The following OTUD3 variants were observed in gnomAD, a reference collection of about 807,000 sequenced individuals.
OTUD3 encodes the protein OTU deubiquitinase 3.
In OTUD3, 24 loss-of-function variants were observed where a neutral mutation model predicts 46.2. The observed-to-expected ratio is 0.52, with a 90% CI of 0.38 to 0.73. The LOEUF is 0.73. OTUD3 is among the 30% of genes least tolerant of loss of function. The pLI is 0.00. For missense variants in OTUD3, 455 were observed against 523.3 expected, an observed-to-expected ratio of 0.87 and a Z score of 1.27; for synonymous variants, 189 against 195.4, an observed-to-expected ratio of 0.97 and a Z score of 0.27.
chr1:19,911,191 C>T lies in OTUD3; in HGVS notation c.*3445C>T, dbSNP rs946239859. ...CGTTTTGGGTAGATGCGTAGCTCTTCACTTTCTTACCTCAAGGCTCTGTCT... is the reference window on the plus strand; with the variant it reads ...CGTTTTGGGTAGATGCGTAGCTCTTTACTTTCTTACCTCAAGGCTCTGTCT... On this transcript the variant is annotated 3_prime_UTR_variant, in exon 8 of 8. Coordinates refer to ENST00000375120, the MANE Select transcript of OTUD3 (RefSeq NM_015207.2). 1 of 152,222 alleles carries T rather than the reference C, an allele frequency of 6.6e-6. No homozygotes were observed. The allele number at this position is 152,222 out of a possible 1,614,324, so 9.4% of individuals were successfully genotyped here.
rs144990773 is a variant in OTUD3, at chr1:19,893,647, C to A, written c.371-721C>A. Among the ~76,000 whole-genome samples the A allele has an allele frequency of 2.6e-5, 4 of 152,172 alleles. No individual in the cohort carries two copies. The South Asian group carries it at 8.3e-4, about 32-fold the overall frequency. ...TGATGCCAGATGTGGTGGAGAGGCCCGTCATGAATAACAGACACTCTCATC... is the reference window on the plus strand; with the variant it reads ...TGATGCCAGATGTGGTGGAGAGGCCAGTCATGAATAACAGACACTCTCATC... On this transcript the variant is annotated intron_variant, in intron 2 of 7. Coordinates refer to ENST00000375120, the MANE Select transcript of OTUD3 (RefSeq NM_015207.2).
In OTUD3 at chr1:19,907,903, TTTTGTTCGAAG is replaced by T. The variant is rs1323332870; in HGVS notation, c.*161_*171del. 2 of 583,258 alleles carry T rather than the reference TTTTGTTCGAAG, an allele frequency of 3.4e-6. No individual in the cohort carries two copies. Among genetic ancestry groups the T allele is most frequent in the African/African-American group, 3.7e-5 (2 of 53,520 alleles). The allele number at this position is 583,258 out of a possible 1,614,324, so 36.1% of individuals were successfully genotyped here. A position where few individuals can be genotyped will look rare whatever the true frequency, so the allele number is the denominator to read the frequency against. ...TTAGTTTCGTTCAAGCTGCCTCTTT[TTTTGTTCGAAG>T]TTTTATTAGTGATATGTTGGTGTTT... is the stretch of plus-strand genomic sequence containing the variant. On this transcript the variant is annotated 3_prime_UTR_variant, in exon 8 of 8. Transcript: ENST00000375120.
chr1:19,893,206 A>G (rs1428896691), intron 2 of OTUD3, among the ~76,000 whole-genome samples: 1 of 152,230 alleles, frequency 6.6e-6, no homozygotes, highest in African/African-American at 2.4e-5. Flanking sequence ...TCGAGAACAC[A>G]GTCCTTGCAT....
Position 19,911,906 on chromosome 1 carries a change from C to A in OTUD3, c.*4160C>A, listed in dbSNP as rs1421832920. ...GTGCCTTGTGGTTGGCCTGGAAGTTCTCTCCCAAGGTGAAATTCCTTTAAA... is the reference window on the plus strand; with the variant it reads ...GTGCCTTGTGGTTGGCCTGGAAGTTATCTCCCAAGGTGAAATTCCTTTAAA... On this transcript the variant is annotated 3_prime_UTR_variant, in exon 8 of 8. Coordinates refer to ENST00000375120, the MANE Select transcript of OTUD3 (RefSeq NM_015207.2). 1 of 152,430 alleles carries A rather than the reference C, an allele frequency of 6.6e-6. No homozygotes were observed. The highest frequency in any genetic ancestry group is 3.4e-3 in the Middle Eastern group (1 of 294). 9.4% of individuals were successfully genotyped at this position (152,430 alleles called of 1,614,324 possible). A position where few individuals can be genotyped will look rare whatever the true frequency, so the allele number is the denominator to read the frequency against.
chr1:19,904,687 T>A (rs969262567), intron 5 of OTUD3, among the ~76,000 whole-genome samples: 24 of 152,254 alleles, frequency 1.6e-4, no homozygotes, highest in African/African-American at 4.6e-4. Context: ...TAGAGGGAAT[T>A]CATTTATAAG....
At position 19,882,491 on chromosome 1, in the gene OTUD3, G is replaced by A; in HGVS notation, c.-23G>A. On this transcript the variant is annotated 5_prime_UTR_variant, in exon 1 of 8. Transcript: ENST00000375120. ...GGGTCCTGCGCCTTTCCCTCCTGCCGCTGGGGACTGCAGGCTAAGGCCATG... is the reference window on the plus strand; with the variant it reads ...GGGTCCTGCGCCTTTCCCTCCTGCCACTGGGGACTGCAGGCTAAGGCCATG... 1.5e-6 allele frequency: 2 copies of A among 1,350,024 alleles called. No individual in the cohort carries two copies. The highest frequency in any genetic ancestry group is 3.1e-5 in the East Asian group (1 of 32,554). 83.6% of individuals were successfully genotyped at this position (1,350,024 alleles called of 1,614,324 possible).
chr1:19,896,824 C>T (rs999513718), intron 3 of OTUD3, among the ~76,000 whole-genome samples: 5 of 152,146 alleles, frequency 3.3e-5, no homozygotes, highest in African/African-American at 1.2e-4. Flanking sequence ...CTCTAGGGAG[C>T]CCCATTCTTG....
In OTUD3 at chr1:19,894,365, C is replaced by T; in HGVS notation, c.371-3C>T. Reference sequence around the variant, plus strand: ...GTCATTTTTCTTTCCTATTTCCATGCAGTGGCCAGTTTGGCAAAGCCTGGT... The same window carrying T: ...GTCATTTTTCTTTCCTATTTCCATGTAGTGGCCAGTTTGGCAAAGCCTGGT... On this transcript the variant is annotated splice_polypyrimidine_tract_variant and splice_region_variant and intron_variant, in intron 2 of 7. Transcript: ENST00000375120. 2 of 1,565,222 alleles carry T rather than the reference C, an allele frequency of 1.3e-6. No individual in the cohort carries two copies. The highest frequency in any genetic ancestry group is 1.7e-6 in the Non-Finnish European group (2 of 1,144,730).
chr1:19,885,264 G>C (rs1457408389), intron 1 of OTUD3, among the ~76,000 whole-genome samples: 2 of 152,144 alleles, frequency 1.3e-5, no homozygotes, highest in Non-Finnish European at 1.5e-5. Context: ...TAAAATGATC[G>C]TATTTCCTCT....
intron 2 of OTUD3, among the ~76,000 whole-genome samples, chr1:19,892,759 GTC>G (rs1473264951): frequency 1.3e-5 from 2 of 152,094 alleles, no homozygotes; most frequent in Non-Finnish European, 2.9e-5. Flanking sequence ...CGGTATCATT[GTC>G]TCTTGATTTC....
chr1:19,888,352 A>C (rs1041334888), intron 1 of OTUD3, among the ~76,000 whole-genome samples: 2 of 152,176 alleles, frequency 1.3e-5, no homozygotes, highest in African/African-American at 2.4e-5. Flanking sequence ...CTTTGTTCTC[A>C]TGAGTTTCTT....
In OTUD3 at chr1:19,912,392, G is replaced by T. The variant is rs894497531; in HGVS notation, c.*4646G>T. 1 of 152,666 alleles carries T rather than the reference G, an allele frequency of 6.6e-6. No homozygotes were observed. Among genetic ancestry groups the T allele is most frequent in the Non-Finnish European group, 1.5e-5 (1 of 68,124 alleles). The allele number at this position is 152,666 out of a possible 1,614,324, so 9.5% of individuals were successfully genotyped here. A position where few individuals can be genotyped will look rare whatever the true frequency, so the allele number is the denominator to read the frequency against. ...CAGTTCATTTTTCATAGTAGGAAGG[G>T]CCCTTGGCCTCCCCAGTGCCTCTTC... On this transcript the variant is annotated 3_prime_UTR_variant, in exon 8 of 8. Coordinates refer to ENST00000375120, the MANE Select transcript of OTUD3 (RefSeq NM_015207.2).
chr1:19,904,394 G>A lies in OTUD3; in HGVS notation c.734G>A (p.Cys245Tyr). 1.2e-6 allele frequency: 2 copies of A among 1,608,346 alleles called. No individual in the cohort carries two copies. The highest frequency in any genetic ancestry group is 1.7e-6 in the Non-Finnish European group (2 of 1,178,154). ...CAGAAAGTTTGTAATGCAACTGGATGTTCAGTTAGTATTTCTGTCTTGCAG... is the reference window on the plus strand; with the variant it reads ...CAGAAAGTTTGTAATGCAACTGGATATTCAGTTAGTATTTCTGTCTTGCAG... ...AVQKVCNATGCSDFNLIVQNL... is the reference protein window; with the variant it reads ...AVQKVCNATGYSDFNLIVQNL... The change falls in exon 5 of 8, where the codon TGT becomes TAT. Residue 245 changes from cysteine (C) to tyrosine (Y), a missense_variant. Transcript: ENST00000375120.
At chr1:19,890,675 C>G in intron 2 of OTUD3, 142 bp downstream of exon 2, 1 of 808,800 alleles carries the variant, frequency 1.2e-6, no homozygotes, top group Non-Finnish European at 2.0e-6. Context: ...TGTTTGCCTA[C>G]TTGGTTATCG....
chr1:19,908,976 G>C lies in OTUD3; in HGVS notation c.*1230G>C, dbSNP rs559123138. On this transcript the variant is annotated 3_prime_UTR_variant, in exon 8 of 8. Transcript: ENST00000375120. ...CTTCAGTTCTGAAATAGACAGACTT[G>C]AGCAGTGGAGAGACGTCTTTCCTAA... 6.6e-5 allele frequency: 10 copies of C among 152,450 alleles called. No individual in the cohort carries two copies. Among genetic ancestry groups the C allele is most frequent in the Non-Finnish European group, 1.5e-4 (10 of 68,036 alleles). 9.4% of individuals were successfully genotyped at this position (152,450 alleles called of 1,614,324 possible).
chr1:19,891,603 TGAG>T (rs1203408938), intron 2 of OTUD3, among the ~76,000 whole-genome samples: 2 of 151,436 alleles, frequency 1.3e-5, no homozygotes, highest in East Asian at 3.9e-4. Flanking sequence ...ACATTGGAGG[TGAG>T]GAGGGGAGAG....
intron 2 of OTUD3, among the ~76,000 whole-genome samples, chr1:19,892,569 T>C (rs1002136419): frequency 3.3e-5 from 5 of 152,190 alleles, no homozygotes; most frequent in African/African-American, 4.8e-5. Context: ...CAGCAACATC[T>C]TTCCCCCAAC....
chr1:19,891,373 T>C (rs556857307), intron 2 of OTUD3, among the ~76,000 whole-genome samples: 3 of 152,354 alleles, frequency 2.0e-5, no homozygotes, highest in Non-Finnish European at 4.4e-5. Flanking sequence ...TATAGTCTTT[T>C]CTGTCTGTTA....
chr1:19,898,807 T>A (rs942322585), intron 4 of OTUD3, among the ~76,000 whole-genome samples: 2 of 152,192 alleles, frequency 1.3e-5, no homozygotes, highest in African/African-American at 4.8e-5. Context: ...CATTGTTTTT[T>A]AAACAATTTT....
Sources: allele counts gnomAD v4.1 joint callset (sites outside exome capture counted in the v4.1 genomes callset), GRCh38; gene constraint gnomAD v4.1.1; transcripts MANE v1.5; gene names NCBI Gene and HGNC (gene_info 2026-07-23, HGNC 2026-07-21).